The following SLC9A7 variants were observed in gnomAD, a reference collection of about 807,000 sequenced individuals.
SLC9A7 encodes the protein solute carrier family 9 member A7.
Under a neutral mutation model 52.6 loss-of-function variants are expected in SLC9A7, and 19 were observed. The observed-to-expected ratio is 0.36, with a 90% CI of 0.25 to 0.53. The LOEUF is 0.53. Ranked by LOEUF, SLC9A7 falls within the 20% of genes least tolerant of loss-of-function variation. The pLI, the probability that SLC9A7 is intolerant of heterozygous loss-of-function variation, is 0.91. For synonymous variants in SLC9A7, 226 were observed against 252.1 expected, an observed-to-expected ratio of 0.90 and a Z score of 0.98; for missense variants, 455 against 597.9, an observed-to-expected ratio of 0.76 and a Z score of 2.49.
At chrX:46,678,281 C>A (rs1263903264) in intron 3 of SLC9A7, among the ~76,000 whole-genome samples, 1 of 110,743 alleles carries the variant, frequency 9.0e-6, no homozygotes, top group Non-Finnish European at 1.9e-5. Flanking sequence ...AGTCCTCATT[C>A]AGAAAGAGAG....
chrX:46,646,725 T>C, intron 11 of SLC9A7: 1 of 294,739 alleles, frequency 3.4e-6, no homozygotes. Context: ...AGAATAGCAG[T>C]CAGCAGGTTC....
intron 1 of SLC9A7, among the ~76,000 whole-genome samples, chrX:46,741,539 T>C (rs1921351134): frequency 9.0e-6 from 1 of 111,178 alleles, no homozygotes; most frequent in Non-Finnish European, 1.9e-5. Flanking sequence ...GAAAAGATTG[T>C]CAACAACAAT....
chrX:46,719,524 TAAATA>T (rs957496247), intron 1 of SLC9A7, among the ~76,000 whole-genome samples: 2 of 111,256 alleles, frequency 1.8e-5, no homozygotes, highest in African/African-American at 3.3e-5. Flanking sequence ...ATAAATAAAA[TAAATA>T]AAAGAGCACA....
chrX:46,660,472 C>G (rs1474972030), intron 7 of SLC9A7, among the ~76,000 whole-genome samples: 1 of 109,750 alleles, frequency 9.1e-6, no homozygotes, highest in Admixed American at 9.6e-5. Flanking sequence ...ACCTACTCAT[C>G]TGACAAAGGG....
chrX:46,653,493 T>C, intron 8 of SLC9A7, 116 bp downstream of exon 8: 1 of 469,668 alleles, frequency 2.1e-6, no homozygotes, highest in Non-Finnish European at 3.7e-6. Flanking sequence ...ATACGGACAC[T>C]TGCTGAACAG....
Position 46,654,020 on chromosome X carries a change from T to C in SLC9A7, c.1042-306A>G, listed in dbSNP as rs974552686. Reference sequence around the variant, plus strand: ...AGACAGGGAGATGGCTACATGACATTGTGAATGCGGAATTGTGCACGTAAA... The same window carrying C: ...AGACAGGGAGATGGCTACATGACATCGTGAATGCGGAATTGTGCACGTAAA... On this transcript the variant is annotated intron_variant, in intron 7 of 16. Transcript: ENST00000616978. Among the ~76,000 whole-genome samples, 5 of 111,172 alleles carry C rather than the reference T, an allele frequency of 4.5e-5. No individual in the cohort carries two copies. In the Admixed American group the frequency reaches 4.8e-4, roughly 11 times the overall value.
At chrX:46,706,156 T>C (rs1351024887) in intron 1 of SLC9A7, among the ~76,000 whole-genome samples, 1 of 106,589 alleles carries the variant, frequency 9.4e-6, no homozygotes, top group Admixed American at 1.0e-4. Context: ...GCTATATTTT[T>C]ACAAGACTGT....
intron 1 of SLC9A7, among the ~76,000 whole-genome samples, chrX:46,743,195 C>T (rs921987170): frequency 7.1e-5 from 8 of 112,087 alleles, no homozygotes; most frequent in African/African-American, 2.6e-4. Flanking sequence ...ATATAACAGG[C>T]CTGATGTTGC....
intron 1 of SLC9A7, among the ~76,000 whole-genome samples, chrX:46,730,672 ATATATATATATAT>A (rs1945018966): frequency 6.1e-5 from 1 of 16,389 alleles, no homozygotes; most frequent in African/African-American, 3.9e-4. Context: ...AAAAAAAATT[ATATATATATATAT>A]ATATATATAT....
intron 10 of SLC9A7, among the ~76,000 whole-genome samples, chrX:46,649,929 AG>A (rs1233966152): frequency 8.9e-6 from 1 of 112,337 alleles, no homozygotes; most frequent in African/African-American, 3.2e-5. Flanking sequence ...GTGTCATGCT[AG>A]GAATACAAAT....
At chrX:46,713,766 C>A (rs772008004) in intron 1 of SLC9A7, among the ~76,000 whole-genome samples, 1 of 110,402 alleles carries the variant, frequency 9.1e-6, no homozygotes, top group African/African-American at 3.3e-5. Context: ...TTTCAGAGAC[C>A]ACACTATTAG....
At chrX:46,673,868 AG>A (rs1944066933) in intron 3 of SLC9A7, among the ~76,000 whole-genome samples, 1 of 112,362 alleles carries the variant, frequency 8.9e-6, no homozygotes, top group Non-Finnish European at 1.9e-5. Context: ...GAATCCTTCA[AG>A]GGCTTGCCAT....
At chrX:46,625,111 C>T (rs1943103995) in intron 14 of SLC9A7, among the ~76,000 whole-genome samples, 1 of 111,724 alleles carries the variant, frequency 9.0e-6, no homozygotes, top group Non-Finnish European at 1.9e-5. Flanking sequence ...AGCAAACAGT[C>T]CTATTTTTGA....
At chrX:46,695,923 T>C (rs1044035236) in intron 1 of SLC9A7, among the ~76,000 whole-genome samples, 14 of 111,753 alleles carry the variant, frequency 1.3e-4, no homozygotes, top group Admixed American at 5.7e-4. Flanking sequence ...AGAAAACATT[T>C]CTGACTTTAG....
chrX:46,730,844 G>A (rs1356863442), intron 1 of SLC9A7, among the ~76,000 whole-genome samples: 2 of 104,450 alleles, frequency 1.9e-5, no homozygotes, highest in Non-Finnish European at 3.9e-5. Flanking sequence ...TTAACCAATG[G>A]AAAGTCACAG....
intron 1 of SLC9A7, 23 bp from the exon 2 acceptor site, chrX:46,682,558 A>G (rs1461047375): frequency 8.5e-7 from 1 of 1,169,745 alleles, no homozygotes. Flanking sequence ...AAAAAAACTC[A>G]TCAGGCCTGA....
At chrX:46,634,554 T>A (rs1943288367) in intron 13 of SLC9A7, among the ~76,000 whole-genome samples, 1 of 111,746 alleles carries the variant, frequency 8.9e-6, no homozygotes, top group African/African-American at 3.3e-5. Flanking sequence ...TAATCTGAAT[T>A]TGCTCATGTC....
At chrX:46,750,176 G>A (rs1414941633) in intron 1 of SLC9A7, among the ~76,000 whole-genome samples, 2 of 111,096 alleles carry the variant, frequency 1.8e-5, no homozygotes, top group African/African-American at 3.3e-5. Context: ...GGTAATGGGC[G>A]GGATTCAGGT....
chrX:46,703,863 G>A (rs373527371), intron 1 of SLC9A7, among the ~76,000 whole-genome samples: 15 of 111,945 alleles, frequency 1.3e-4, no homozygotes, highest in Non-Finnish European at 2.3e-4. Context: ...TCATAATTCC[G>A]TGGAAGGGCA....
Sources: gnomAD v4.1 joint callset for allele counts (sites outside exome capture counted in the v4.1 genomes callset) on GRCh38, gnomAD v4.1.1 for gene constraint, MANE v1.5 for transcripts, NCBI Gene and HGNC (gene_info 2026-07-23, HGNC 2026-07-21) for gene names.